Variants in VPS13C observed in about 807,000 individuals in gnomAD.
VPS13C encodes vacuolar protein sorting 13 homolog C, also known as intermembrane lipid transfer protein VPS13C.
Under a neutral mutation model 456.8 loss-of-function variants are expected in VPS13C, and 358 were observed. The ratio of observed to expected loss-of-function variants is 0.78; its 90% CI spans 0.72 to 0.86. The LOEUF (loss-of-function observed/expected upper bound fraction) is 0.86. Ranked by LOEUF, VPS13C falls within the 40% of genes least tolerant of loss-of-function variation. The probability of loss-of-function intolerance (pLI) is 0.00; values close to 1 mark genes in which losing one functional copy is unlikely to be tolerated. For synonymous variants in VPS13C, 1,578 were observed against 1,486.7 expected, an observed-to-expected ratio of 1.06 and a Z score of -1.41; for missense variants, 4,818 against 4,385.4, an observed-to-expected ratio of 1.10 and a Z score of -2.79.
intron 67 of VPS13C, among the ~76,000 whole-genome samples, chr15:61,885,673 C>A (rs997024169): frequency 2.6e-5 from 4 of 152,096 alleles, no homozygotes; most frequent in Non-Finnish European, 4.4e-5. Context: ...ACAAATAATA[C>A]AATAGGCTTT....
intron 15 of VPS13C, among the ~76,000 whole-genome samples, chr15:62,002,617 T>C (rs1250681464): frequency 2.6e-5 from 4 of 152,212 alleles, no homozygotes; most frequent in Admixed American, 6.5e-5. Flanking sequence ...TGAATGGTAA[T>C]GTCTAGGTTT....
At chr15:61,878,020 G>T (rs775301956) in intron 74 of VPS13C, among the ~76,000 whole-genome samples, 1 of 151,612 alleles carries the variant, frequency 6.6e-6, no homozygotes, top group South Asian at 2.1e-4. Context: ...TTTTTATGTG[G>T]TTAAATGTAT....
chr15:61,889,228 G>A (rs1368350549), intron 67 of VPS13C, among the ~76,000 whole-genome samples: 1 of 151,888 alleles, frequency 6.6e-6, no homozygotes, highest in Non-Finnish European at 1.5e-5. Flanking sequence ...GGGAAAACTG[G>A]ACCTATATAA....
At chr15:61,974,200 C>T (rs2140359123) in intron 25 of VPS13C, 88 bp downstream of exon 25, 1 of 1,298,120 alleles carries the variant, frequency 7.7e-7, no homozygotes, top group Non-Finnish European at 1.0e-6. Flanking sequence ...TTGGTCCTTT[C>T]ACTTATAAAC....
At chr15:62,037,261 ATT>A (rs1567136478) in intron 3 of VPS13C, among the ~76,000 whole-genome samples, 4 of 26,410 alleles carry the variant, frequency 1.5e-4, no homozygotes, top group South Asian at 7.0e-4. Context: ...ATTTATATAT[ATT>A]ATATTATATA....
At chr15:61,951,146 G>C (rs773438365) in intron 39 of VPS13C, 122 bp from the exon 40 acceptor site, 25 of 572,998 alleles carry the variant, frequency 4.4e-5, no homozygotes, top group Non-Finnish European at 4.8e-5. Flanking sequence ...ACTAAAAAGA[G>C]TGAAGTATGT....
intron 37 of VPS13C, among the ~76,000 whole-genome samples, chr15:61,955,900 T>C (rs1198607249): frequency 6.6e-6 from 1 of 152,164 alleles, no homozygotes; most frequent in Non-Finnish European, 1.5e-5. Flanking sequence ...GTTCAGCCAC[T>C]ATAGAAAGCA....
At chr15:61,953,362 T>C (rs1331822834) in intron 38 of VPS13C, among the ~76,000 whole-genome samples, 4 of 150,546 alleles carry the variant, frequency 2.7e-5, no homozygotes, top group Non-Finnish European at 5.9e-5. Flanking sequence ...TAGCATTAGG[T>C]ATATCTCCTA....
rs188646328 is a variant in VPS13C, at chr15:62,013,823, G to A, written c.744+110C>T. The A allele has an allele frequency of 3.6e-5, 28 of 770,258 alleles. 1 individual carries two copies. The African/African-American group carries it at 4.3e-4, about 12-fold the overall frequency. The allele number at this position is 770,258 out of a possible 1,614,324, so 47.7% of individuals were successfully genotyped here. A position where few individuals can be genotyped will look rare whatever the true frequency, so the allele number is the denominator to read the frequency against. On this transcript the variant is annotated intron_variant, in intron 10 of 84. Transcript: ENST00000644861. ...GTAGCAGGGCCAAAACTAGACCCTA[G>A]ACTTTTAACTCACACTCCAATGGCA...
chr15:61,953,571 T>G (rs1029596645), intron 38 of VPS13C, among the ~76,000 whole-genome samples: 1 of 152,000 alleles, frequency 6.6e-6, no homozygotes, highest in Non-Finnish European at 1.5e-5. Flanking sequence ...CATGAACTCA[T>G]CATTTTTTAT....
chr15:61,952,233 GCAC>G (rs1449051093), intron 38 of VPS13C, among the ~76,000 whole-genome samples: 1 of 152,078 alleles, frequency 6.6e-6, no homozygotes, highest in Non-Finnish European at 1.5e-5. Context: ...TTCATCTTCG[GCAC>G]CATTAACATT....
chr15:61,864,622 T>A (rs1238251498), intron 81 of VPS13C: 1 of 985,090 alleles, frequency 1.0e-6, no homozygotes, highest in African/African-American at 1.7e-5. Context: ...AATATACATT[T>A]TTTAAAGTTG....
At chr15:62,002,501 T>C (rs1361628291) in intron 15 of VPS13C, among the ~76,000 whole-genome samples, 1 of 152,236 alleles carries the variant, frequency 6.6e-6, no homozygotes, top group Non-Finnish European at 1.5e-5. Context: ...TTTCTTTTGC[T>C]GTGCAGAAGC....
intron 79 of VPS13C, among the ~76,000 whole-genome samples, chr15:61,871,597 G>GATTCCA (rs1434753900): frequency 1.3e-5 from 2 of 151,910 alleles, no homozygotes; most frequent in South Asian, 4.1e-4. Flanking sequence ...GGGATCCCTG[G>GATTCCA]AATGGCCATA....
At chr15:61,990,082 T>G (rs996215657) in intron 18 of VPS13C, among the ~76,000 whole-genome samples, 7 of 152,174 alleles carry the variant, frequency 4.6e-5, no homozygotes, top group Admixed American at 6.5e-5. Context: ...ATACATCTAC[T>G]GCAACAACAG....
Position 61,967,378 on chromosome 15 carries a change from T to C in VPS13C, c.2981A>G (p.Glu994Gly). Reference protein sequence around the residue: ...DKPGLDLLKVEYIKADKNGPS... With the variant: ...DKPGLDLLKVGYIKADKNGPS... ...TTCTATAGCCCTTACCTTAATATAC[T>C]CCACTTTCAAAAGATCTAATCCAGG... The change falls in exon 29 of 85, where the codon GAG becomes GGG. Residue 994 changes from glutamate (E) to glycine (G), a missense_variant. This residue lies in a region of VPS13C where 4,552 missense variants were observed against 4,130.6 expected (regional missense o/e 1.10). Transcript: ENST00000644861. 1.2e-6 allele frequency: 2 copies of C among 1,606,054 alleles called. No individual in the cohort carries two copies. The highest frequency in any genetic ancestry group is 1.7e-6 in the Non-Finnish European group (2 of 1,175,904).
In VPS13C at chr15:61,922,601, T is replaced by G. The variant is rs1248800884; in HGVS notation, c.6771A>C (p.Ala2257=). ...YNTWFLGVDT[A]TEITESFKGI... is the part of the protein sequence containing the mutation. ...CTTTGAAGCTTTCCGTTATTTCTGT[T>G]GCCGTGTCAACACCAAGAAACCAAG... The change falls in exon 54 of 85, where the codon GCA becomes GCC. Residue 2257 remains alanine, a synonymous_variant. Coordinates refer to ENST00000644861, the MANE Select transcript of VPS13C (RefSeq NM_020821.3). The G allele has an allele frequency of 1.9e-6, 3 of 1,614,122 alleles. No homozygotes were observed. The highest frequency in any genetic ancestry group is 1.7e-5 in the Admixed American group (1 of 60,026).
intron 18 of VPS13C, among the ~76,000 whole-genome samples, chr15:61,988,837 TA>T (rs1357536352): frequency 4.6e-5 from 7 of 152,132 alleles, no homozygotes; most frequent in African/African-American, 1.7e-4. Flanking sequence ...CGGTGCTATG[TA>T]AGGAGACAGC....
Position 61,929,501 on chromosome 15 carries a change from C to T in VPS13C, c.6286G>A (p.Asp2096Asn). The T allele has an allele frequency of 6.2e-7, 1 of 1,612,312 alleles. No homozygotes were observed. The highest frequency in any genetic ancestry group is 8.5e-7 in the Non-Finnish European group (1 of 1,178,754). ...TCTATGACAGATAAATTCTGCTAACCTTTCTCTATCTTGACCTTCCCTGTG... is the reference window on the plus strand; with the variant it reads ...TCTATGACAGATAAATTCTGCTAACTTTTCTCTATCTTGACCTTCCCTGTG... ...TATGKVKIEK[D>N]DSVRPNMTLK... is the part of the protein sequence containing the mutation. Residue 2096 changes from aspartate to asparagine, a missense_variant and splice_region_variant, in exon 51 of 85, where the codon GAT becomes AAT. Coordinates refer to ENST00000644861, the MANE Select transcript of VPS13C (RefSeq NM_020821.3).
Sources: gnomAD v4.1 joint callset for allele counts (sites outside exome capture counted in the v4.1 genomes callset) on GRCh38, gnomAD v4.1.1 for gene constraint, gnomAD v4.1.1 regional missense constraint, MANE v1.5 for transcripts, NCBI Gene and HGNC (gene_info 2026-07-23, HGNC 2026-07-21) for gene names.